The following KCNIP4 variants were observed in gnomAD, a reference collection of about 807,000 sequenced individuals.
KCNIP4 encodes the protein potassium voltage-gated channel interacting protein 4, also known as Kv channel-interacting protein 4.
A neutral mutation model predicts 34.0 loss-of-function variants in KCNIP4; 12 were observed. The ratio of observed to expected loss-of-function variants is 0.35; its 90% CI spans 0.23 to 0.57. The LOEUF is 0.57. KCNIP4 is among the 20% of genes least tolerant of loss of function. KCNIP4 has a pLI of 0.83. For synonymous variants in KCNIP4, 124 were observed against 102.2 expected, an observed-to-expected ratio of 1.21 and a Z score of -1.29; for missense variants, 238 against 311.7, an observed-to-expected ratio of 0.76 and a Z score of 1.78.
intron 2 of KCNIP4, among the ~76,000 whole-genome samples, chr4:20,852,658 T>C (rs964690877): frequency 6.6e-6 from 1 of 152,112 alleles, no homozygotes; most frequent in Non-Finnish European, 1.5e-5. Flanking sequence ...AACAAGGGCA[T>C]CCAAATTGGT....
intron 1 of KCNIP4, among the ~76,000 whole-genome samples, chr4:21,803,247 A>T (rs1183743190): frequency 6.6e-6 from 1 of 152,070 alleles, no homozygotes; most frequent in Admixed American, 6.6e-5. Flanking sequence ...CCTTGATCCT[A>T]ATCCATTATA....
chr4:21,227,091 G>A (rs1311398353), intron 1 of KCNIP4, among the ~76,000 whole-genome samples: 1 of 152,174 alleles, frequency 6.6e-6, no homozygotes, highest in Non-Finnish European at 1.5e-5. Context: ...TTGAAATTAT[G>A]TAGGTAGATC....
chr4:20,951,734 G>T (rs1160438143), intron 1 of KCNIP4, among the ~76,000 whole-genome samples: 2 of 152,146 alleles, frequency 1.3e-5, no homozygotes, highest in African/African-American at 4.8e-5. Context: ...CTGAGTTAAT[G>T]AATTTACTTT....
At chr4:21,037,084 C>G (rs1741516598) in intron 1 of KCNIP4, among the ~76,000 whole-genome samples, 1 of 152,004 alleles carries the variant, frequency 6.6e-6, no homozygotes, top group Admixed American at 6.6e-5. Flanking sequence ...TTTTGTACAG[C>G]TGTACAATGT....
intron 1 of KCNIP4, chr4:21,656,784 C>T (rs1222011880): frequency 6.6e-6 from 1 of 152,182 alleles, no homozygotes; most frequent in African/African-American, 2.4e-5. Flanking sequence ...ATGGATGCAC[C>T]TCTAAATATT....
chr4:21,427,971 T>C (rs767058591), intron 1 of KCNIP4, among the ~76,000 whole-genome samples: 1 of 151,934 alleles, frequency 6.6e-6, no homozygotes, highest in Non-Finnish European at 1.5e-5. Context: ...GAATTGTTCT[T>C]ATAACTTAAA....
At chr4:21,884,920 G>A (rs1477428751) in intron 1 of KCNIP4, among the ~76,000 whole-genome samples, 1 of 150,274 alleles carries the variant, frequency 6.7e-6, no homozygotes, top group Non-Finnish European at 1.5e-5. Context: ...GTCCATCTCA[G>A]TGATACCCTG....
At chr4:21,131,574 C>T (rs960479570) in intron 1 of KCNIP4, among the ~76,000 whole-genome samples, 4 of 152,136 alleles carry the variant, frequency 2.6e-5, no homozygotes, top group Non-Finnish European at 4.4e-5. Flanking sequence ...TGCACCACTG[C>T]ACTCCAGCCT....
chr4:20,842,575 T>C (rs975201209), intron 3 of KCNIP4, among the ~76,000 whole-genome samples: 4 of 96,514 alleles, frequency 4.1e-5, no homozygotes, highest in Non-Finnish European at 5.6e-5. Context: ...GTCTCTCTTC[T>C]AATGGCAAAA....
intron 1 of KCNIP4, among the ~76,000 whole-genome samples, chr4:20,949,571 C>CG (rs1457910523): frequency 8.6e-5 from 13 of 151,560 alleles, no homozygotes; most frequent in Admixed American, 8.5e-4. Context: ...ATGTTTATCG[C>CG]GGCACTATTC....
chr4:21,643,634 A>G (rs1482245549), intron 1 of KCNIP4, among the ~76,000 whole-genome samples: 1 of 152,148 alleles, frequency 6.6e-6, no homozygotes, highest in Non-Finnish European at 1.5e-5. Flanking sequence ...TATTAACCTC[A>G]ATTGTGTGGA....
At chr4:20,750,741 G>A (rs988542987) in intron 4 of KCNIP4, among the ~76,000 whole-genome samples, 5 of 152,038 alleles carry the variant, frequency 3.3e-5, no homozygotes, top group Admixed American at 3.3e-4. Context: ...ATTATTTTCA[G>A]TGTTGCATCT....
intron 1 of KCNIP4, among the ~76,000 whole-genome samples, chr4:21,467,730 A>G (rs35599794): frequency 6.6e-6 from 1 of 152,084 alleles, no homozygotes; most frequent in African/African-American, 2.4e-5. Context: ...TGGCTTTTGG[A>G]AAAAAAGAGC....
At chr4:21,293,132 A>T (rs774129590) in intron 1 of KCNIP4, among the ~76,000 whole-genome samples, 2 of 152,232 alleles carry the variant, frequency 1.3e-5, no homozygotes, top group Non-Finnish European at 2.9e-5. Context: ...TGCCTCATCT[A>T]CTCTGTCTGT....
chr4:21,558,268 G>C (rs1577593029), intron 1 of KCNIP4, among the ~76,000 whole-genome samples: 1 of 152,130 alleles, frequency 6.6e-6, no homozygotes. Context: ...AAGGTAGGTG[G>C]ATCACTTGAG....
intron 1 of KCNIP4, among the ~76,000 whole-genome samples, chr4:21,878,055 T>C (rs1271377764): frequency 6.6e-6 from 1 of 152,138 alleles, no homozygotes; most frequent in Non-Finnish European, 1.5e-5. Context: ...TGTTTGTTTG[T>C]TGTTTGTTTT....
chr4:20,999,864 C>A (rs895065572), intron 1 of KCNIP4, among the ~76,000 whole-genome samples: 19 of 152,076 alleles, frequency 1.2e-4, no homozygotes, highest in African/African-American at 4.3e-4. Context: ...ACAAAGTGTG[C>A]AAAGCTCTGA....
intron 1 of KCNIP4, among the ~76,000 whole-genome samples, chr4:21,767,935 C>A (rs1312475103): frequency 9.2e-5 from 14 of 152,050 alleles, no homozygotes; most frequent in Admixed American, 9.2e-4. Flanking sequence ...AGAAAGCCAA[C>A]AAAATCCCCT....
chr4:21,442,428 A>T (rs1727568437), intron 1 of KCNIP4, among the ~76,000 whole-genome samples: 1 of 152,160 alleles, frequency 6.6e-6, no homozygotes, highest in Non-Finnish European at 1.5e-5. Context: ...TGTTGTGTCC[A>T]ATTCATCTCC....
Sources: allele counts gnomAD v4.1 joint callset (sites outside exome capture counted in the v4.1 genomes callset), GRCh38; gene constraint gnomAD v4.1.1; transcripts MANE v1.5; gene names NCBI Gene and HGNC (gene_info 2026-07-23, HGNC 2026-07-21).